Variants in ETHE1 observed in about 807,000 individuals in gnomAD.
ETHE1 encodes the protein persulfide dioxygenase ETHE1, mitochondrial.
Under a neutral mutation model 25.7 loss-of-function variants are expected in ETHE1, and 16 were observed. The ratio of observed to expected loss-of-function variants is 0.62; its 90% CI spans 0.42 to 0.95. The LOEUF (loss-of-function observed/expected upper bound fraction) is 0.95, where lower values mean the gene tolerates loss of function less well. Ranked by LOEUF, ETHE1 falls within the 40% of genes least tolerant of loss-of-function variation. The pLI is 0.00. For missense variants in ETHE1, 300 were observed against 333.6 expected (o/e 0.90, Z 0.79); for synonymous variants, 139 against 135.9 (o/e 1.02, Z -0.16).
rs1418627402 is a variant in ETHE1, at chr19:43,508,761, C to T, written c.595+14G>A. The T allele has an allele frequency of 1.9e-6, 3 of 1,584,038 alleles. No homozygotes were observed. The highest frequency in any genetic ancestry group is 2.6e-6 in the Non-Finnish European group (3 of 1,162,576). On this transcript the variant is annotated intron_variant, in intron 5 of 6. Coordinates refer to ENST00000292147, the MANE Select transcript of ETHE1 (RefSeq NM_014297.5). ...AGTTATGTACGCCCCACACCTCTTCCAGGAAGCCCTCACCATGGTAATCGT... is the reference window on the plus strand; with the variant it reads ...AGTTATGTACGCCCCACACCTCTTCTAGGAAGCCCTCACCATGGTAATCGT...
intron 3 of ETHE1, among the ~76,000 whole-genome samples, chr19:43,520,010 A>G (rs939977306): frequency 6.6e-6 from 1 of 150,760 alleles, no homozygotes; most frequent in African/African-American, 2.4e-5. Context: ...GCCAGGGTTC[A>G]ATACCAGCCT....
chr19:43,517,637 C>T (rs369512777), intron 3 of ETHE1, among the ~76,000 whole-genome samples: 4 of 151,658 alleles, frequency 2.6e-5, no homozygotes, highest in South Asian at 2.1e-4. Context: ...ATTAGTCAGG[C>T]GTGGTGGTGA....
intron 3 of ETHE1, among the ~76,000 whole-genome samples, chr19:43,514,802 A>G (rs927899681): frequency 6.6e-6 from 1 of 151,600 alleles, no homozygotes; most frequent in Non-Finnish European, 1.5e-5. Flanking sequence ...TGTCTTTATT[A>G]GCAGCATGAG....
At chr19:43,509,342 C>CA (rs2145980152) in intron 4 of ETHE1, among the ~76,000 whole-genome samples, 1 of 151,566 alleles carries the variant, frequency 6.6e-6, no homozygotes, top group South Asian at 2.1e-4. Flanking sequence ...ACTAAAAATA[C>CA]AAAAATTAGC....
chr19:43,508,400 T>G (rs572092858), intron 5 of ETHE1, among the ~76,000 whole-genome samples: 1 of 145,458 alleles, frequency 6.9e-6, no homozygotes, highest in East Asian at 2.1e-4. Flanking sequence ...CAGGCTGGAA[T>G]ATAGTGGTAC....
intron 3 of ETHE1, among the ~76,000 whole-genome samples, chr19:43,524,145 C>T (rs899630038): frequency 6.6e-6 from 1 of 151,286 alleles, no homozygotes; most frequent in Non-Finnish European, 1.5e-5. Flanking sequence ...TGAGGTTGCG[C>T]TAAGCTGAGA....
In ETHE1 at chr19:43,524,104, G is replaced by A. The variant is rs573897980; in HGVS notation, c.375+2097C>T. ...TACAAAATTAGCTAGGCATGGTGGC[G>A]CATGCCTGTAATCCCAGCTACTCGG... On this transcript the variant is annotated intron_variant, in intron 3 of 6. Coordinates refer to ENST00000292147, the MANE Select transcript of ETHE1 (RefSeq NM_014297.5). Among the ~76,000 whole-genome samples, 12 of 151,776 alleles carry A rather than the reference G, an allele frequency of 7.9e-5. No individual in the cohort carries two copies. The East Asian group carries it at 1.8e-3, about 22-fold the overall frequency.
chr19:43,509,445 C>A (rs533489581), intron 4 of ETHE1, among the ~76,000 whole-genome samples: 2 of 148,274 alleles, frequency 1.3e-5, no homozygotes, highest in African/African-American at 2.5e-5. Context: ...TGCAGTGAGC[C>A]AAGATCACAC....
At position 43,526,375 on chromosome 19, in the gene ETHE1, C is replaced by A. The variant is rs187253510; in HGVS notation, c.227-26G>T. 5 of 1,613,932 alleles carry A rather than the reference C, an allele frequency of 3.1e-6. No individual in the cohort carries two copies. The African/African-American group carries it at 5.3e-5, about 17-fold the overall frequency. ...CTGGGAGAGAGAGGAGGGACAGGTC[C>A]GGAGGGTACAGAAAGGACCTGGGAG... On this transcript the variant is annotated intron_variant, in intron 2 of 6. Coordinates refer to ENST00000292147, the MANE Select transcript of ETHE1 (RefSeq NM_014297.5).
Position 43,506,785 on chromosome 19 carries a change from C to A in ETHE1, c.*65G>T. ...CGGTGGGAAAGGAGAGGTGCAGTGT[C>A]ATTGCCGCCCTCTCCTCCCACCTAG... is the stretch of plus-strand genomic sequence containing the variant. On this transcript the variant is annotated 3_prime_UTR_variant, in exon 7 of 7. Coordinates refer to ENST00000292147, the MANE Select transcript of ETHE1 (RefSeq NM_014297.5). 6.8e-7 allele frequency: 1 copy of A among 1,460,786 alleles called. No homozygotes were observed. Among genetic ancestry groups the A allele is most frequent in the South Asian group, 1.1e-5 (1 of 87,962 alleles). The allele number at this position is 1,460,786 out of a possible 1,614,324, so 90.5% of individuals were successfully genotyped here.
intron 3 of ETHE1, among the ~76,000 whole-genome samples, chr19:43,521,885 T>C (rs1267792737): frequency 6.6e-6 from 1 of 152,122 alleles, no homozygotes; most frequent in Non-Finnish European, 1.5e-5. Context: ...AGCAGCATTA[T>C]TCGTGGTAGC....
chr19:43,510,794 G>C (rs1197579134), intron 4 of ETHE1, among the ~76,000 whole-genome samples: 2 of 152,012 alleles, frequency 1.3e-5, no homozygotes, highest in Non-Finnish European at 2.9e-5. Flanking sequence ...CTAGCATGGG[G>C]GTCCTTAACC....
intron 3 of ETHE1, among the ~76,000 whole-genome samples, chr19:43,517,542 C>G (rs1198524441): frequency 1.3e-5 from 2 of 150,688 alleles, no homozygotes; most frequent in Admixed American, 6.6e-5. Flanking sequence ...TTTGGGAGGC[C>G]AAGGCAGGTG....
chr19:43,514,485 C>CTTTTT lies in ETHE1; in HGVS notation c.376-2924_376-2920dup, dbSNP rs767043458. The stretch of plus-strand genomic sequence containing the variant: ...ATAAATGACCCAGTCTTGGGTATGT[C>CTTTTT]TTTTTTTTTTTTTTTTTTTTGAGAC... On this transcript the variant is annotated intron_variant, in intron 3 of 6. Coordinates refer to ENST00000292147, the MANE Select transcript of ETHE1 (RefSeq NM_014297.5). Among the ~76,000 whole-genome samples, 132 of 113,212 alleles carry CTTTTT rather than the reference C, an allele frequency of 1.2e-3. 1 individual carries two copies. Among genetic ancestry groups the CTTTTT allele is most frequent in the Non-Finnish European group, 1.5e-3 (87 of 57,942 alleles). 74.3% of individuals were successfully genotyped at this position (113,212 alleles called of 152,430 possible).
intron 3 of ETHE1, among the ~76,000 whole-genome samples, chr19:43,518,841 G>C (rs1972077922): frequency 2.0e-5 from 3 of 150,480 alleles, no homozygotes; most frequent in Admixed American, 1.3e-4. Flanking sequence ...GTATAGCCTA[G>C]AGAACCCTGA....
At position 43,526,348 on chromosome 19, in the gene ETHE1, C is replaced by T. The variant is rs1463683010; in HGVS notation, c.228G>A (p.Val76=). ...TGTGGTCCGCGTGGCAGTGGGTATTCACTGGGAGAGAGAGGAGGGACAGGT... is the reference window on the plus strand; with the variant it reads ...TGTGGTCCGCGTGGCAGTGGGTATTTACTGGGAGAGAGAGGAGGGACAGGT... The part of the protein sequence containing the change: ...KELGLRLLYA[V]NTHCHADHIT... Residue 76 remains valine, a splice_region_variant and synonymous_variant, in exon 3 of 7, where the codon GTG becomes GTA. Coordinates refer to ENST00000292147, the MANE Select transcript of ETHE1 (RefSeq NM_014297.5). 12 of 1,613,994 alleles carry T rather than the reference C, an allele frequency of 7.4e-6. No individual in the cohort carries two copies. Among genetic ancestry groups the T allele is most frequent in the Admixed American group, 3.3e-5 (2 of 59,976 alleles).
At chr19:43,511,695 G>C (rs1278295840) in intron 3 of ETHE1, 129 bp from the exon 4 acceptor site, 36 of 1,030,832 alleles carry the variant, frequency 3.5e-5, no homozygotes, top group Non-Finnish European at 1.4e-5. Context: ...AGATTCCCAG[G>C]CTGTAATCTT....
rs796441571 is a variant in ETHE1 at position 43,516,759 on chromosome 19, G to A, written c.376-5193C>T. On this transcript the variant is annotated intron_variant, in intron 3 of 6. Coordinates refer to ENST00000292147, the MANE Select transcript of ETHE1 (RefSeq NM_014297.5). ...TTGTGTCTCAGCCTTCTGAGTAGCT[G>A]GGATAACAGGCACGCATCACTGTGT... 5.4e-4 allele frequency among the ~76,000 whole-genome samples: 82 copies of A among 151,310 alleles called. 2 individuals are homozygous for A. Among genetic ancestry groups the A allele is most frequent in the African/African-American group, 1.9e-3 (78 of 41,266 alleles).
chr19:43,514,016 C>T (rs545066869), intron 3 of ETHE1, among the ~76,000 whole-genome samples: 1 of 152,232 alleles, frequency 6.6e-6, no homozygotes, highest in Admixed American at 6.5e-5. Context: ...GCCACCATGC[C>T]CGGCCTCAGA....
Sources: gnomAD v4.1 joint callset for allele counts (sites outside exome capture counted in the v4.1 genomes callset) on GRCh38, gnomAD v4.1.1 for gene constraint, MANE v1.5 for transcripts, NCBI Gene and HGNC (gene_info 2026-07-23, HGNC 2026-07-21) for gene names.